PLXNA2: variants seen among roughly 807,000 people sequenced by gnomAD.
The protein encoded by PLXNA2 is plexin-A2.
PLXNA2 carries 91 observed loss-of-function variants against 193.5 expected under a neutral mutation model. The observed-to-expected ratio is 0.47, with a 90% CI of 0.40 to 0.56. The LOEUF (loss-of-function observed/expected upper bound fraction) is 0.56, where lower values mean the gene tolerates loss of function less well. Ranked by LOEUF, PLXNA2 falls within the 20% of genes least tolerant of loss-of-function variation. The pLI is 0.00. For synonymous variants in PLXNA2, 997 were observed against 1,027.3 expected (o/e 0.97, Z 0.56); for missense variants, 1,995 against 2,503.2 (o/e 0.80, Z 4.33).
intron 14 of PLXNA2, among the ~76,000 whole-genome samples, chr1:208,053,301 G>A (rs1259615782): frequency 6.6e-6 from 1 of 152,168 alleles, no homozygotes; most frequent in Admixed American, 6.5e-5. Flanking sequence ...GAGGAGGGTG[G>A]GCTAGGTTAT....
chr1:208,037,904 A>T (rs975169433), intron 26 of PLXNA2, among the ~76,000 whole-genome samples: 1 of 110,192 alleles, frequency 9.1e-6, no homozygotes, highest in African/African-American at 3.4e-5. Flanking sequence ...CCAGCTACTA[A>T]GAGGAAGAAT....
At chr1:208,109,122 G>C (rs992560356) in intron 4 of PLXNA2, among the ~76,000 whole-genome samples, 2 of 152,260 alleles carry the variant, frequency 1.3e-5, no homozygotes, top group Non-Finnish European at 2.9e-5. Flanking sequence ...GGCCTTCTCA[G>C]TGGCTGGGAG....
At chr1:208,220,236 TTTG>T (rs1671281536) in intron 1 of PLXNA2, among the ~76,000 whole-genome samples, 1 of 152,100 alleles carries the variant, frequency 6.6e-6, no homozygotes, top group South Asian at 2.1e-4. Flanking sequence ...GTGAGTGGCT[TTTG>T]TTGTTGTTAG....
At position 208,210,158 on chromosome 1, in the gene PLXNA2, C is replaced by T. The variant is rs780097635; in HGVS notation, c.1371+122G>A. The T allele has an allele frequency of 2.3e-5, 25 of 1,069,508 alleles. No homozygotes were observed. The African/African-American group carries it at 3.3e-4, about 14-fold the overall frequency. 66.3% of individuals were successfully genotyped at this position (1,069,508 alleles called of 1,614,324 possible). ...ACCCCTTCTTACCTCCCCATTTCAC[C>T]TTTGTTCCCCAAGAAAATAAAGTTG... On this transcript the variant is annotated intron_variant, in intron 3 of 31. Coordinates refer to ENST00000367033, the MANE Select transcript of PLXNA2 (RefSeq NM_025179.4).
rs114567524 is a variant in PLXNA2 at position 208,065,410 on chromosome 1, A to G, written c.2587-4573T>C. On this transcript the variant is annotated intron_variant, in intron 12 of 31. Transcript: ENST00000367033. ...ACCTTGAATCTCAATATCCTCATTC[A>G]AAAACAGATAATAATGCTTGCCTCA... Among the ~76,000 whole-genome samples, 532 of 152,326 alleles carry G rather than the reference A, an allele frequency of 3.5e-3. 6 individuals carry two copies. Among genetic ancestry groups the G allele is most frequent in the African/African-American group, 0.012 (512 of 41,574 alleles).
chr1:208,031,428 G>C, intron 29 of PLXNA2, 162 bp downstream of exon 29: 1 of 1,301,294 alleles, frequency 7.7e-7, no homozygotes, highest in South Asian at 1.5e-5. Flanking sequence ...GACCGTGTGG[G>C]CTCTGCAGAG....
chr1:208,138,142 C>T (rs1246110373), intron 4 of PLXNA2, among the ~76,000 whole-genome samples: 4 of 152,144 alleles, frequency 2.6e-5, no homozygotes, highest in Admixed American at 6.5e-5. Flanking sequence ...AGACAACTTA[C>T]GATGATTCAA....
chr1:208,110,642 C>T lies in PLXNA2; in HGVS notation c.1507-7395G>A, dbSNP rs542658275. ...GGAGGTATTCTTAGTCCCATTTTAC[C>T]TATTAGAAAACTGAGTGTCAGCTTA... On this transcript the variant is annotated intron_variant, in intron 4 of 31. Coordinates refer to ENST00000367033, the MANE Select transcript of PLXNA2 (RefSeq NM_025179.4). 2.0e-5 allele frequency among the ~76,000 whole-genome samples: 3 copies of T among 152,284 alleles called. No individual in the cohort carries two copies. In the South Asian group the frequency reaches 6.2e-4, roughly 32 times the overall value.
rs550419890 is a variant in PLXNA2, at chr1:208,168,991, C to A, written c.1372-26528G>T. Among the ~76,000 whole-genome samples, 36 of 152,144 alleles carry A rather than the reference C, an allele frequency of 2.4e-4. 1 individual carries two copies. In the South Asian group the frequency reaches 7.3e-3, roughly 31 times the overall value. On this transcript the variant is annotated intron_variant, in intron 3 of 31. Coordinates refer to ENST00000367033, the MANE Select transcript of PLXNA2 (RefSeq NM_025179.4). ...TCATTTCAAAAGATACCCTGCCCTTCGATGGTTTTCTATAAGGCCAAGCTG... is the reference window on the plus strand; with the variant it reads ...TCATTTCAAAAGATACCCTGCCCTTAGATGGTTTTCTATAAGGCCAAGCTG...
At chr1:208,179,244 G>C (rs1669762292) in intron 3 of PLXNA2, among the ~76,000 whole-genome samples, 1 of 152,192 alleles carries the variant, frequency 6.6e-6, no homozygotes, top group Non-Finnish European at 1.5e-5. Flanking sequence ...GATGATGATG[G>C]TGATATTACC....
intron 17 of PLXNA2, among the ~76,000 whole-genome samples, chr1:208,046,796 TAGTGTGTGTGTGTGTG>T (rs1381574713): frequency 4.3e-4 from 23 of 53,558 alleles, no homozygotes; most frequent in Non-Finnish European, 8.9e-4. Context: ...CAGAACAGCA[TAGTGTGTGTGTGTGTG>T]TGTGTGTGTG....
At chr1:208,138,781 C>T (rs1302863717) in intron 4 of PLXNA2, among the ~76,000 whole-genome samples, 3 of 152,212 alleles carry the variant, frequency 2.0e-5, no homozygotes, top group South Asian at 2.1e-4. Context: ...AATCCCAGCA[C>T]TTTGGGAGGC....
At chr1:208,052,916 C>A (rs1665311112) in intron 14 of PLXNA2, among the ~76,000 whole-genome samples, 1 of 151,736 alleles carries the variant, frequency 6.6e-6, no homozygotes, top group South Asian at 2.1e-4. Flanking sequence ...CATGCACATG[C>A]CCTTCTGTCC....
At chr1:208,186,708 A>ATTTTTTTTTTTTTTTT (rs368056918) in intron 3 of PLXNA2, among the ~76,000 whole-genome samples, 2 of 111,742 alleles carry the variant, frequency 1.8e-5, no homozygotes, top group African/African-American at 6.0e-5. Flanking sequence ...TTGCAATGTT[A>ATTTTTTTTTTTTTTTT]TTTTATTTTT....
chr1:208,109,308 G>T (rs1667385927), intron 4 of PLXNA2, among the ~76,000 whole-genome samples: 5 of 151,876 alleles, frequency 3.3e-5, no homozygotes, highest in Admixed American at 3.3e-4. Context: ...GTCCCTCCCT[G>T]CAGGCCCACC....
chr1:208,130,586 G>C (rs761890465), intron 4 of PLXNA2, among the ~76,000 whole-genome samples: 1 of 152,144 alleles, frequency 6.6e-6, no homozygotes, highest in Admixed American at 6.5e-5. Context: ...TGTCATTGCC[G>C]CAAGGGGCAT....
chr1:208,155,416 C>T (rs1194625869), intron 3 of PLXNA2, among the ~76,000 whole-genome samples: 1 of 152,168 alleles, frequency 6.6e-6, no homozygotes, highest in Non-Finnish European at 1.5e-5. Context: ...CTGAAAGGAG[C>T]TATAGCCTGG....
chr1:208,195,870 G>A lies in PLXNA2; in HGVS notation c.1371+14410C>T, dbSNP rs116270567. Among the ~76,000 whole-genome samples the A allele has an allele frequency of 2.8e-3, 431 of 151,948 alleles. 1 individual carries two copies. The highest frequency in any genetic ancestry group is 9.8e-3 in the African/African-American group (405 of 41,396). On this transcript the variant is annotated intron_variant, in intron 3 of 31. Coordinates refer to ENST00000367033, the MANE Select transcript of PLXNA2 (RefSeq NM_025179.4). ...CTCTGTCTATGACCATTCCTCTGGG[G>A]ATACCACCAATCCGTCTGAGACTTA...
At chr1:208,089,514 A>G (rs1318134577) in intron 9 of PLXNA2, among the ~76,000 whole-genome samples, 1 of 152,240 alleles carries the variant, frequency 6.6e-6, no homozygotes, top group East Asian at 1.9e-4. Flanking sequence ...ATCCATTGAA[A>G]TGCCAAATGT....
Sources: gnomAD v4.1 joint callset for allele counts (sites outside exome capture counted in the v4.1 genomes callset) on GRCh38, gnomAD v4.1.1 for gene constraint, MANE v1.5 for transcripts, NCBI Gene and HGNC (gene_info 2026-07-23, HGNC 2026-07-21) for gene names.